Variants in CDH13 observed in about 807,000 individuals in gnomAD.
The protein encoded by CDH13 is cadherin 13.
A neutral mutation model predicts 63.8 loss-of-function variants in CDH13; 24 were observed. That is an observed-to-expected ratio of 0.38 (90% CI 0.27 to 0.53). CDH13 has a LOEUF of 0.53. Ranked by LOEUF, CDH13 falls within the 20% of genes least tolerant of loss-of-function variation. The pLI, the probability that CDH13 is intolerant of heterozygous loss-of-function variation, is 0.85. For missense variants in CDH13, 1,049 were observed against 903.1 expected, an observed-to-expected ratio of 1.16 and a Z score of -2.07; for synonymous variants, 503 against 355.3, an observed-to-expected ratio of 1.42 and a Z score of -4.67.
At chr16:82,730,270 C>T (rs906583028) in intron 1 of CDH13, among the ~76,000 whole-genome samples, 4 of 152,220 alleles carry the variant, frequency 2.6e-5, no homozygotes, top group Non-Finnish European at 5.9e-5. Flanking sequence ...CACTAAGAAG[C>T]TTAATCATTC....
chr16:83,520,600 G>A (rs189973374), intron 7 of CDH13, among the ~76,000 whole-genome samples: 4 of 152,290 alleles, frequency 2.6e-5, no homozygotes, highest in Non-Finnish European at 1.5e-5. Flanking sequence ...CTTAGAGCCA[G>A]GTTCTTGTTT....
chr16:83,015,016 G>T (rs1391125344), intron 2 of CDH13, among the ~76,000 whole-genome samples: 1 of 150,898 alleles, frequency 6.6e-6, no homozygotes, highest in Non-Finnish European at 1.5e-5. Context: ...ATAATATGCA[G>T]TCATAAAAAA....
At chr16:83,107,588 T>G (rs2034835209) in intron 3 of CDH13, among the ~76,000 whole-genome samples, 1 of 152,118 alleles carries the variant, frequency 6.6e-6, no homozygotes, top group African/African-American at 2.4e-5. Flanking sequence ...ACTCCTATGT[T>G]TACACACTAG....
chr16:82,634,063 C>T (rs1908352717), intron 1 of CDH13, among the ~76,000 whole-genome samples: 1 of 152,218 alleles, frequency 6.6e-6, no homozygotes, highest in South Asian at 2.1e-4. Context: ...ATGAGCATCA[C>T]CCGATCTGCT....
intron 1 of CDH13, among the ~76,000 whole-genome samples, chr16:82,733,174 C>G (rs1023404077): frequency 1.3e-5 from 2 of 152,136 alleles, no homozygotes; most frequent in Non-Finnish European, 2.9e-5. Context: ...ACAATGTGTC[C>G]TCACATTGGC....
intron 6 of CDH13, among the ~76,000 whole-genome samples, chr16:83,464,372 C>A (rs948248480): frequency 6.6e-6 from 1 of 151,984 alleles, no homozygotes; most frequent in African/African-American, 2.4e-5. Flanking sequence ...ATGAGCCGGG[C>A]GTGATGGCAC....
chr16:82,817,155 T>A (rs1417585178), intron 1 of CDH13, among the ~76,000 whole-genome samples: 1 of 151,426 alleles, frequency 6.6e-6, no homozygotes, highest in Non-Finnish European at 1.5e-5. Context: ...CTTTCATTTC[T>A]CTTTATCACT....
intron 5 of CDH13, among the ~76,000 whole-genome samples, chr16:83,328,541 G>A (rs2090418559): frequency 6.6e-6 from 1 of 152,162 alleles, no homozygotes; most frequent in East Asian, 1.9e-4. Flanking sequence ...CCTGTGTGGT[G>A]AATAGAGTGG....
chr16:83,676,687 G>C (rs546031136), intron 9 of CDH13, among the ~76,000 whole-genome samples: 1 of 152,346 alleles, frequency 6.6e-6, no homozygotes, highest in African/African-American at 2.4e-5. Flanking sequence ...TACTGACCCT[G>C]CTGGGAGTTG....
intron 1 of CDH13, among the ~76,000 whole-genome samples, chr16:82,846,691 G>A (rs1018170166): frequency 1.3e-5 from 2 of 152,168 alleles, no homozygotes; most frequent in African/African-American, 4.8e-5. Flanking sequence ...CCATGTGTCT[G>A]TCTTTCCTTC....
intron 3 of CDH13, among the ~76,000 whole-genome samples, chr16:83,082,335 C>G (rs2033308943): frequency 6.6e-6 from 1 of 152,102 alleles, no homozygotes. Flanking sequence ...AGGAGTTGAA[C>G]ATTTTCCAGA....
chr16:83,235,498 AC>A (rs1180279319), intron 5 of CDH13, among the ~76,000 whole-genome samples: 2 of 151,218 alleles, frequency 1.3e-5, no homozygotes, highest in Non-Finnish European at 2.9e-5. Context: ...CCCCACTCCT[AC>A]CCCGACCCAA....
intron 1 of CDH13, among the ~76,000 whole-genome samples, chr16:82,769,145 C>T (rs2035168419): frequency 6.6e-6 from 1 of 152,158 alleles, no homozygotes; most frequent in South Asian, 2.1e-4. Context: ...ACAGACCCAT[C>T]ATGTCACAGG....
intron 8 of CDH13, among the ~76,000 whole-genome samples, chr16:83,608,796 C>G (rs1908594755): frequency 6.6e-6 from 1 of 151,976 alleles, no homozygotes; most frequent in Admixed American, 6.6e-5. Context: ...GCATGAGCCA[C>G]TGTGCCCAGC....
chr16:83,303,917 A>T (rs1167720054), intron 5 of CDH13, among the ~76,000 whole-genome samples: 1 of 152,176 alleles, frequency 6.6e-6, no homozygotes, highest in Non-Finnish European at 1.5e-5. Flanking sequence ...GTTGACCTCC[A>T]CAATGACCAG....
At chr16:83,027,059 C>G (rs1390350954) in intron 2 of CDH13, among the ~76,000 whole-genome samples, 4 of 151,626 alleles carry the variant, frequency 2.6e-5, no homozygotes, top group Non-Finnish European at 4.4e-5. Flanking sequence ...TATCCCAATT[C>G]ACAGCCTTGT....
At chr16:83,479,865 G>T (rs902265132) in intron 6 of CDH13, among the ~76,000 whole-genome samples, 1 of 152,168 alleles carries the variant, frequency 6.6e-6, no homozygotes, top group Non-Finnish European at 1.5e-5. Flanking sequence ...ATAGATACAC[G>T]GTATTCTATA....
intron 4 of CDH13, among the ~76,000 whole-genome samples, chr16:83,157,774 A>C (rs1004265670): frequency 4.0e-5 from 6 of 148,982 alleles, no homozygotes; most frequent in Non-Finnish European, 8.9e-5. Context: ...TTATCTGGGC[A>C]TGGTGGTGCT....
chr16:83,242,169 T>G (rs554509148), intron 5 of CDH13, among the ~76,000 whole-genome samples: 1 of 152,330 alleles, frequency 6.6e-6, no homozygotes, highest in South Asian at 2.1e-4. Context: ...GGTTCTCTAT[T>G]CTGTTTCATT....
Sources: allele counts gnomAD v4.1 joint callset (sites outside exome capture counted in the v4.1 genomes callset), GRCh38; gene constraint gnomAD v4.1.1; transcripts MANE v1.5; gene names NCBI Gene and HGNC (gene_info 2026-07-23, HGNC 2026-07-21).